CTNNA1: variants seen among roughly 807,000 people sequenced by gnomAD.
The protein encoded by CTNNA1 is catenin alpha 1.
A neutral mutation model predicts 98.4 loss-of-function variants in CTNNA1; 37 were observed. The ratio of observed to expected loss-of-function variants is 0.38; its 90% CI spans 0.29 to 0.49. The LOEUF (loss-of-function observed/expected upper bound fraction) is 0.49, where lower values mean the gene tolerates loss of function less well. Ranked by LOEUF, CTNNA1 falls within the 20% of genes least tolerant of loss-of-function variation. CTNNA1 has a pLI of 0.95. For synonymous variants in CTNNA1, 404 were observed against 413.2 expected, an observed-to-expected ratio of 0.98 and a Z score of 0.27; for missense variants, 761 against 1,147.2, an observed-to-expected ratio of 0.66 and a Z score of 4.86.
chr5:138,930,325 A>G (rs1223201451), intron 14 of CTNNA1, 148 bp from the exon 15 acceptor site: 3 of 629,388 alleles, frequency 4.8e-6, no homozygotes, highest in Non-Finnish European at 8.2e-6. Context: ...GCAAAAAATG[A>G]GAGAAATAGC....
At chr5:138,928,418 C>T (rs1315199469) in intron 13 of CTNNA1, among the ~76,000 whole-genome samples, 2 of 152,190 alleles carry the variant, frequency 1.3e-5, no homozygotes, top group Non-Finnish European at 2.9e-5. Flanking sequence ...CAAAAGAATA[C>T]TTTAAAATAC....
At chr5:138,852,242 A>G (rs759557783) in intron 7 of CTNNA1, among the ~76,000 whole-genome samples, 3 of 152,124 alleles carry the variant, frequency 2.0e-5, no homozygotes, top group Non-Finnish European at 2.9e-5. Context: ...ACATTGCCTC[A>G]GTGTAACCCA....
At chr5:138,928,397 T>C (rs1202206479) in intron 13 of CTNNA1, among the ~76,000 whole-genome samples, 7 of 152,116 alleles carry the variant, frequency 4.6e-5, no homozygotes, top group African/African-American at 9.7e-5. Flanking sequence ...CTCTTTTCTT[T>C]TGATGAAAGT....
chr5:138,913,955 A>G lies in CTNNA1; in HGVS notation c.1390-3787A>G, dbSNP rs552129852. 4.1e-4 allele frequency among the ~76,000 whole-genome samples: 63 copies of G among 152,238 alleles called. 2 individuals are homozygous for G. The highest frequency in any genetic ancestry group is 3.4e-3 in the Middle Eastern group (1 of 294). Reference sequence around the variant, plus strand: ...AGCCTTGGCATCCTGGGTTTAGGCAATCCCCCCACCTCGGCCTCCCAGAGT... The same window carrying G: ...AGCCTTGGCATCCTGGGTTTAGGCAGTCCCCCCACCTCGGCCTCCCAGAGT... On this transcript the variant is annotated intron_variant, in intron 10 of 17. Transcript: ENST00000302763.
chr5:138,765,258 C>T (rs1752803617), intron 1 of CTNNA1, among the ~76,000 whole-genome samples: 2 of 152,278 alleles, frequency 1.3e-5, no homozygotes, highest in Admixed American at 6.5e-5. Context: ...CCAGGCTGGT[C>T]TCAAACTCCT....
rs149803813 is a variant in CTNNA1 at position 138,768,968 on chromosome 5, G to A, written c.-2-12955G>A. Among the ~76,000 whole-genome samples the A allele has an allele frequency of 1.3e-4, 20 of 152,180 alleles. No homozygotes were observed. The East Asian group carries it at 2.7e-3, about 21-fold the overall frequency. On this transcript the variant is annotated intron_variant, in intron 1 of 17. Transcript: ENST00000302763. The stretch of plus-strand genomic sequence containing the variant: ...AGCAGGATCCCAGAACTGATAATTC[G>A]TCAGTCATTGATGAATGAATGACTG...
At chr5:138,859,672 C>T (rs545406470) in intron 7 of CTNNA1, among the ~76,000 whole-genome samples, 1 of 152,284 alleles carries the variant, frequency 6.6e-6, no homozygotes, top group Admixed American at 6.5e-5. Flanking sequence ...GCCTGTAATC[C>T]CAGCACTTTA....
Position 138,785,739 on chromosome 5 carries a change from TTAGTA to T in CTNNA1, c.301+2377_301+2381del, listed in dbSNP as rs141729862. ...CCACACCCAGCTAATTTTTGTATTT[TTAGTA>T]TAGTATAGTGTAGTGTAGTGTAGTG... On this transcript the variant is annotated intron_variant, in intron 3 of 17. Transcript: ENST00000302763. 7.9e-5 allele frequency among the ~76,000 whole-genome samples: 12 copies of T among 152,076 alleles called. No homozygotes were observed. The South Asian group carries it at 8.3e-4, about 11-fold the overall frequency.
At chr5:138,893,926 T>C (rs892192531) in intron 9 of CTNNA1, among the ~76,000 whole-genome samples, 1 of 146,708 alleles carries the variant, frequency 6.8e-6, no homozygotes, top group African/African-American at 2.5e-5. Flanking sequence ...CTGGCCTATT[T>C]ATTTTTTTTG....
chr5:138,900,144 G>A (rs528005114), intron 9 of CTNNA1, among the ~76,000 whole-genome samples: 2 of 152,330 alleles, frequency 1.3e-5, no homozygotes, highest in African/African-American at 4.8e-5. Flanking sequence ...TGTACGACAA[G>A]TTTGTAAAAG....
intron 5 of CTNNA1, among the ~76,000 whole-genome samples, chr5:138,817,866 G>A (rs902385082): frequency 1.7e-4 from 26 of 151,922 alleles, no homozygotes; most frequent in Non-Finnish European, 3.2e-4. Flanking sequence ...TCTCTTTGAG[G>A]TTCCTTAAGA....
At chr5:138,879,628 A>C (rs1752453621) in intron 7 of CTNNA1, among the ~76,000 whole-genome samples, 1 of 152,088 alleles carries the variant, frequency 6.6e-6, no homozygotes, top group Non-Finnish European at 1.5e-5. Context: ...CTAATTAAAA[A>C]AATTTTTTTC....
At chr5:138,795,204 G>A (rs938549631) in intron 3 of CTNNA1, among the ~76,000 whole-genome samples, 3 of 147,306 alleles carry the variant, frequency 2.0e-5, no homozygotes, top group African/African-American at 7.5e-5. Flanking sequence ...GCTCATGCCT[G>A]TAATCCCAGC....
intron 1 of CTNNA1, among the ~76,000 whole-genome samples, chr5:138,776,039 CTTT>C (rs57467422): frequency 6.0e-5 from 5 of 83,878 alleles, no homozygotes; most frequent in African/African-American, 1.5e-4. Flanking sequence ...GGAAATGTTT[CTTT>C]TTTTTTTTTT....
At chr5:138,878,486 G>T (rs1256230809) in intron 7 of CTNNA1, among the ~76,000 whole-genome samples, 2 of 152,204 alleles carry the variant, frequency 1.3e-5, no homozygotes, top group Non-Finnish European at 2.9e-5. Context: ...CTGTCCATAT[G>T]ATCTGTTTCA....
chr5:138,919,744 A>G (rs112523473), intron 11 of CTNNA1, among the ~76,000 whole-genome samples: 1 of 152,136 alleles, frequency 6.6e-6, no homozygotes, highest in East Asian at 1.9e-4. Flanking sequence ...TTAGAAGTCT[A>G]CCTGGTGTGT....
chr5:138,894,279 C>CTTTTTT (rs35503987), intron 9 of CTNNA1, among the ~76,000 whole-genome samples: 3 of 145,372 alleles, frequency 2.1e-5, no homozygotes, highest in Non-Finnish European at 4.5e-5. Flanking sequence ...ACTTTTCTTT[C>CTTTTTT]TCTTTTTTTT....
chr5:138,838,674 C>T (rs1311811090), intron 7 of CTNNA1, among the ~76,000 whole-genome samples: 2 of 152,104 alleles, frequency 1.3e-5, no homozygotes, highest in African/African-American at 4.8e-5. Context: ...TGAGACCTTT[C>T]TTCTTTGTGT....
At chr5:138,755,677 A>C (rs1216339192) in intron 1 of CTNNA1, among the ~76,000 whole-genome samples, 1 of 152,038 alleles carries the variant, frequency 6.6e-6, no homozygotes, top group Non-Finnish European at 1.5e-5. Flanking sequence ...CTTTGAGTGC[A>C]GGTGTGTCTC....
Sources: gnomAD v4.1 joint callset for allele counts (sites outside exome capture counted in the v4.1 genomes callset) on GRCh38, gnomAD v4.1.1 for gene constraint, MANE v1.5 for transcripts, NCBI Gene and HGNC (gene_info 2026-07-23, HGNC 2026-07-21) for gene names.